PPP1R3B: variants seen among roughly 807,000 people sequenced by gnomAD.
PPP1R3B encodes the protein protein phosphatase 1 regulatory subunit 3B, also known as PP1 subunit R4.
Under a neutral mutation model 14.6 loss-of-function variants are expected in PPP1R3B, and 8 were observed. The observed-to-expected ratio is 0.55, with a 90% CI of 0.32 to 0.99. The LOEUF (loss-of-function observed/expected upper bound fraction) is 0.99, where lower values mean the gene tolerates loss of function less well. Ranked by LOEUF, PPP1R3B falls within the 50% of genes least tolerant of loss-of-function variation. The pLI, the probability that PPP1R3B is intolerant of heterozygous loss-of-function variation, is 0.04. For synonymous variants in PPP1R3B, 169 were observed against 142.0 expected, an observed-to-expected ratio of 1.19 and a Z score of -1.35; for missense variants, 452 against 360.1, an observed-to-expected ratio of 1.26 and a Z score of -2.07.
chr8:9,138,285 C>T lies in PPP1R3B; in HGVS notation c.*2509G>A, dbSNP rs1348292088. ...TATGTTTACATAAAACGTGGTTCTG[C>T]CCAGTAACAGCATAAGGTAAAAATG... On this transcript the variant is annotated 3_prime_UTR_variant, in exon 2 of 2. Coordinates refer to ENST00000310455, the MANE Select transcript of PPP1R3B (RefSeq NM_024607.4). The T allele has an allele frequency of 2.0e-5, 3 of 152,114 alleles. No homozygotes were observed. Among genetic ancestry groups the T allele is most frequent in the Non-Finnish European group, 4.4e-5 (3 of 68,034 alleles). The allele number at this position is 152,114 out of a possible 1,614,324, so 9.4% of individuals were successfully genotyped here.
At position 9,141,473 on chromosome 8, in the gene PPP1R3B, T is replaced by G. The variant is rs1424668544; in HGVS notation, c.179A>C (p.Lys60Thr). The change falls in exon 2 of 2, where the codon AAA (lysine) becomes ACA (threonine). Residue 60 changes from lysine (K) to threonine (T), a missense_variant. By Grantham distance (78) the Lys-to-Thr change is moderately conservative. Transcript: ENST00000310455. ...GTTGTCTGCGAAGGACACCCGCTTT[T>G]TCACCTTCTTCTCCTGGACAGCCGG... ...VAPAVQEKKV[K>T]KRVSFADNQG... 6.8e-6 allele frequency: 11 copies of G among 1,614,060 alleles called. No homozygotes were observed. Among genetic ancestry groups the G allele is most frequent in the Non-Finnish European group, 9.3e-6 (11 of 1,180,034 alleles).
At chr8:9,146,564 TC>T (rs1801248018) in intron 1 of PPP1R3B, among the ~76,000 whole-genome samples, 1 of 152,100 alleles carries the variant, frequency 6.6e-6, no homozygotes, top group Non-Finnish European at 1.5e-5. Context: ...GTACAGAACT[TC>T]CCTGGGATGC....
At position 9,140,151 on chromosome 8, in the gene PPP1R3B, C is replaced by G. The variant is rs1801025126; in HGVS notation, c.*643G>C. 6.4e-6 allele frequency: 1 copy of G among 156,322 alleles called. No individual in the cohort carries two copies. The highest frequency in any genetic ancestry group is 1.9e-4 in the South Asian group (1 of 5,170). 9.7% of individuals were successfully genotyped at this position (156,322 alleles called of 1,614,324 possible). The stretch of plus-strand genomic sequence containing the variant: ...GAGGAGGAAATGCCTGTCTCAACCA[C>G]TAACTAATTTGCCTTTATTATCTTT... On this transcript the variant is annotated 3_prime_UTR_variant, in exon 2 of 2. Transcript: ENST00000310455.
chr8:9,145,538 C>G (rs891224980), intron 1 of PPP1R3B: 1 of 152,144 alleles, frequency 6.6e-6, no homozygotes, highest in African/African-American at 2.4e-5. Flanking sequence ...TGGTAAGACT[C>G]TGGTCAACAG....
At position 9,137,438 on chromosome 8, in the gene PPP1R3B, G is replaced by C. The variant is rs1056359246; in HGVS notation, c.*3356C>G. On this transcript the variant is annotated 3_prime_UTR_variant, in exon 2 of 2. Transcript: ENST00000310455. The stretch of plus-strand genomic sequence containing the variant: ...GGGGGCCACTTGTAACCATAACCAA[G>C]AGCTGTCTGAAGGCAAATCTACAAG... The C allele has an allele frequency of 6.6e-6, 1 of 152,200 alleles. No homozygotes were observed. The highest frequency in any genetic ancestry group is 2.1e-4 in the South Asian group (1 of 4,836). The allele number at this position is 152,200 out of a possible 1,614,324, so 9.4% of individuals were successfully genotyped here.
At chr8:9,146,569 G>A (rs1377081446) in intron 1 of PPP1R3B, among the ~76,000 whole-genome samples, 1 of 152,172 alleles carries the variant, frequency 6.6e-6, no homozygotes, top group East Asian at 1.9e-4. Context: ...GAACTTCCCT[G>A]GGATGCAAGA....
Position 9,140,082 on chromosome 8 carries a change from T to C in PPP1R3B, c.*712A>G, listed in dbSNP as rs1287071934. 6.5e-6 allele frequency: 1 copy of C among 153,376 alleles called. No homozygotes were observed. Among genetic ancestry groups the C allele is most frequent in the Non-Finnish European group, 1.5e-5 (1 of 68,918 alleles). The allele number at this position is 153,376 out of a possible 1,614,324, so 9.5% of individuals were successfully genotyped here. Reference sequence around the variant, plus strand: ...GGAGCCAGTGGGTTTTGATGACTGGTGTGTTGCTCTCTGCTGGAATACATC... The same window carrying C: ...GGAGCCAGTGGGTTTTGATGACTGGCGTGTTGCTCTCTGCTGGAATACATC... On this transcript the variant is annotated 3_prime_UTR_variant, in exon 2 of 2. Transcript: ENST00000310455.
Position 9,138,363 on chromosome 8 carries a change from G to A in PPP1R3B, c.*2431C>T, listed in dbSNP as rs1486856534. The stretch of plus-strand genomic sequence containing the variant: ...GTCATCCTAGAGTGTTACCCACCTG[G>A]GAGAGGTACAAAAAACAAAGCATTA... On this transcript the variant is annotated 3_prime_UTR_variant, in exon 2 of 2. Coordinates refer to ENST00000310455, the MANE Select transcript of PPP1R3B (RefSeq NM_024607.4). 1.3e-5 allele frequency: 2 copies of A among 152,116 alleles called. No individual in the cohort carries two copies. Among genetic ancestry groups the A allele is most frequent in the African/African-American group, 4.8e-5 (2 of 41,402 alleles). The allele number at this position is 152,116 out of a possible 1,614,324, so 9.4% of individuals were successfully genotyped here. A position where few individuals can be genotyped will look rare whatever the true frequency, so the allele number is the denominator to read the frequency against.
rs928784281 is a variant in PPP1R3B at position 9,140,432 on chromosome 8, C to T, written c.*362G>A. ...GTGGCTGGGGCTGAGTGGCTTTTGG[C>T]GACTGATGTCCCACATCTGAGTGGA... On this transcript the variant is annotated 3_prime_UTR_variant, in exon 2 of 2. Coordinates refer to ENST00000310455, the MANE Select transcript of PPP1R3B (RefSeq NM_024607.4). 8.1e-5 allele frequency: 21 copies of T among 258,856 alleles called. No individual in the cohort carries two copies. Among genetic ancestry groups the T allele is most frequent in the African/African-American group, 5.0e-4 (21 of 42,314 alleles). The allele number at this position is 258,856 out of a possible 1,614,324, so 16.0% of individuals were successfully genotyped here.
chr8:9,146,604 G>A (rs993258608), intron 1 of PPP1R3B, among the ~76,000 whole-genome samples: 4 of 152,202 alleles, frequency 2.6e-5, no homozygotes, highest in Admixed American at 6.5e-5. Flanking sequence ...GCCAGTCAGA[G>A]AAATACACAT....
intron 1 of PPP1R3B, chr8:9,145,228 C>T (rs753595342): frequency 5.3e-5 from 8 of 151,988 alleles, no homozygotes; most frequent in East Asian, 1.9e-4. Context: ...GTCACTTCAA[C>T]GACATGAGTT....
intron 1 of PPP1R3B, chr8:9,141,912 AAG>A (rs1415988331): frequency 7.6e-6 from 3 of 393,622 alleles, no homozygotes; most frequent in Non-Finnish European, 9.3e-6. Context: ...AAACAAACAA[AAG>A]AGTATGAAAC....
rs188099150 is a variant in PPP1R3B, at chr8:9,136,861, G to T, written c.*3933C>A. The T allele has an allele frequency of 3.3e-5, 5 of 152,322 alleles. No individual in the cohort carries two copies. The East Asian group carries it at 9.6e-4, about 29-fold the overall frequency. 9.4% of individuals were successfully genotyped at this position (152,322 alleles called of 1,614,324 possible). A position where few individuals can be genotyped will look rare whatever the true frequency, so the allele number is the denominator to read the frequency against. On this transcript the variant is annotated 3_prime_UTR_variant, in exon 2 of 2. Transcript: ENST00000310455. ...CCAAGGTTTTCATCCCCTATCCATT[G>T]AGAGGGAAGATCCAGAAAATGGGCA...
intron 1 of PPP1R3B, among the ~76,000 whole-genome samples, chr8:9,148,732 T>C (rs1021858265): frequency 3.3e-5 from 5 of 152,212 alleles, no homozygotes; most frequent in Non-Finnish European, 5.9e-5. Flanking sequence ...GTGATAACTA[T>C]AGACCTGCAC....
At chr8:9,146,897 G>A (rs1801257089) in intron 1 of PPP1R3B, among the ~76,000 whole-genome samples, 1 of 151,926 alleles carries the variant, frequency 6.6e-6, no homozygotes. Flanking sequence ...CTAAATTTTA[G>A]TTACTCTTGT....
intron 1 of PPP1R3B, among the ~76,000 whole-genome samples, chr8:9,147,305 TTTTAA>T (rs1801271847): frequency 1.3e-5 from 2 of 152,244 alleles, no homozygotes; most frequent in Non-Finnish European, 2.9e-5. Flanking sequence ...CCAGCCTTGT[TTTTAA>T]ACAAGTACGA....
chr8:9,142,939 T>C (rs541447472), intron 1 of PPP1R3B, among the ~76,000 whole-genome samples: 1 of 152,372 alleles, frequency 6.6e-6, no homozygotes, highest in African/African-American at 2.4e-5. Context: ...TTCCGTATCT[T>C]GGCTTAGTGA....
intron 1 of PPP1R3B, among the ~76,000 whole-genome samples, chr8:9,149,286 G>A (rs1337211666): frequency 1.3e-4 from 19 of 142,178 alleles, no homozygotes; most frequent in South Asian, 2.3e-4. Context: ...AGATCACGAG[G>A]TCAGGAGATC....
chr8:9,141,915 A>G (rs1158297926), intron 1 of PPP1R3B: 2 of 390,208 alleles, frequency 5.1e-6, no homozygotes, highest in African/African-American at 4.0e-5. Flanking sequence ...CAAACAAAAG[A>G]GTATGAAACC....
Sources: allele counts gnomAD v4.1 joint callset (sites outside exome capture counted in the v4.1 genomes callset), GRCh38; gene constraint gnomAD v4.1.1; transcripts MANE v1.5; gene names NCBI Gene and HGNC (gene_info 2026-07-23, HGNC 2026-07-21).